CEP128: variants seen among roughly 807,000 people sequenced by gnomAD.
The protein encoded by CEP128 is centrosomal protein 128.
CEP128 carries 132 observed loss-of-function variants against 156.7 expected under a neutral mutation model. The ratio of observed to expected loss-of-function variants is 0.84; its 90% CI spans 0.73 to 0.97. The LOEUF (loss-of-function observed/expected upper bound fraction) is 0.97. CEP128 is among the 50% of genes least tolerant of loss of function. CEP128 has a pLI of 0.00. For missense variants in CEP128, 1,252 were observed against 1,281.9 expected (o/e 0.98, Z 0.36); for synonymous variants, 469 against 448.9 (o/e 1.04, Z -0.57).
At chr14:80,688,940 G>T (rs752103294) in intron 19 of CEP128, among the ~76,000 whole-genome samples, 58 of 152,204 alleles carry the variant, frequency 3.8e-4, no homozygotes, top group Admixed American at 7.2e-4. Flanking sequence ...AAGAAACCAA[G>T]ACATAAAGAT....
At chr14:80,551,493 TAA>T (rs1890206998) in intron 21 of CEP128, among the ~76,000 whole-genome samples, 1 of 152,218 alleles carries the variant, frequency 6.6e-6, no homozygotes, top group Non-Finnish European at 1.5e-5. Context: ...CTTTATGGTA[TAA>T]AAAGAGTCTG....
chr14:80,560,773 C>T (rs1890636238), intron 20 of CEP128, among the ~76,000 whole-genome samples: 1 of 152,204 alleles, frequency 6.6e-6, no homozygotes, highest in Admixed American at 6.5e-5. Context: ...TGCCGTTGAA[C>T]ACTGTACGCC....
rs141274053 is a variant in CEP128 at position 80,768,423 on chromosome 14, A to G, written c.2377-6810T>C. Among the ~76,000 whole-genome samples, 6 of 152,314 alleles carry G rather than the reference A, an allele frequency of 3.9e-5. No individual in the cohort carries two copies. The East Asian group carries it at 1.2e-3, about 29-fold the overall frequency. On this transcript the variant is annotated intron_variant, in intron 16 of 24. Transcript: ENST00000555265. Reference sequence around the variant, plus strand: ...AGCTGATTCTTTACATGTATTTAACAAGCAAAGGAACACTATGATTTCTAC... The same window carrying G: ...AGCTGATTCTTTACATGTATTTAACGAGCAAAGGAACACTATGATTTCTAC...
intron 20 of CEP128, among the ~76,000 whole-genome samples, chr14:80,580,106 C>T (rs1013018695): frequency 6.6e-6 from 1 of 152,102 alleles, no homozygotes; most frequent in Non-Finnish European, 1.5e-5. Flanking sequence ...AAGGATACTG[C>T]CTTCATTTCC....
At chr14:80,528,256 G>A (rs1430054643) in intron 22 of CEP128, among the ~76,000 whole-genome samples, 1 of 152,174 alleles carries the variant, frequency 6.6e-6, no homozygotes, top group African/African-American at 2.4e-5. Context: ...AATCAAAAAT[G>A]TAATGTTTAA....
At chr14:80,623,452 A>T (rs7144224) in intron 19 of CEP128, among the ~76,000 whole-genome samples, 2 of 151,672 alleles carry the variant, frequency 1.3e-5, no homozygotes, top group Non-Finnish European at 2.9e-5. Context: ...TAATACTTAA[A>T]GTATAATAAT....
intron 19 of CEP128, among the ~76,000 whole-genome samples, chr14:80,708,638 C>T (rs1345920448): frequency 1.3e-5 from 2 of 151,966 alleles, no homozygotes; most frequent in African/African-American, 4.8e-5. Context: ...AAATGTTTTG[C>T]CATTTTAAAA....
At chr14:80,656,309 A>T (rs868508644) in intron 19 of CEP128, among the ~76,000 whole-genome samples, 6 of 14,102 alleles carry the variant, frequency 4.3e-4, no homozygotes, top group African/African-American at 1.7e-3. Context: ...ATATATATAT[A>T]TATATATATA....
rs545630196 is a variant in CEP128, at chr14:80,860,236, T to G, written c.762+2521A>C. Among the ~76,000 whole-genome samples the G allele has an allele frequency of 5.9e-5, 9 of 152,352 alleles. No individual in the cohort carries two copies. In the South Asian group the frequency reaches 1.9e-3, roughly 32 times the overall value. On this transcript the variant is annotated intron_variant, in intron 9 of 24. Coordinates refer to ENST00000555265, the MANE Select transcript of CEP128 (RefSeq NM_152446.5). ...TAATCTTTCCTAGCTTCCACTACTC[T>G]GTTTATAATCTAAAACCACTTTTTA... is the stretch of plus-strand genomic sequence containing the variant.
chr14:80,620,120 C>T (rs780301320), intron 19 of CEP128, among the ~76,000 whole-genome samples: 2 of 151,946 alleles, frequency 1.3e-5, no homozygotes, highest in South Asian at 2.1e-4. Context: ...AGCAAAACTC[C>T]GTCTTAAAAA....
intron 19 of CEP128, among the ~76,000 whole-genome samples, chr14:80,672,562 A>G (rs1895887305): frequency 6.6e-6 from 1 of 152,138 alleles, no homozygotes; most frequent in Non-Finnish European, 1.5e-5. Context: ...TTTTGACCCA[A>G]ATATATCTTA....
chr14:80,544,882 T>C (rs1326916064), intron 21 of CEP128, among the ~76,000 whole-genome samples: 1 of 152,194 alleles, frequency 6.6e-6, no homozygotes, highest in Non-Finnish European at 1.5e-5. Context: ...ACTTACTATG[T>C]TTTAAAAATA....
chr14:80,825,309 A>C (rs1477083227), intron 13 of CEP128, among the ~76,000 whole-genome samples: 2 of 152,182 alleles, frequency 1.3e-5, no homozygotes, highest in Non-Finnish European at 2.9e-5. Context: ...GGGTTTCACT[A>C]TGTTGCCTAG....
intron 18 of CEP128, among the ~76,000 whole-genome samples, chr14:80,754,813 T>C (rs950929082): frequency 1.3e-5 from 2 of 152,210 alleles, no homozygotes; most frequent in Non-Finnish European, 2.9e-5. Flanking sequence ...TGAGACGTAG[T>C]AGTTTCTCAG....
intron 19 of CEP128, among the ~76,000 whole-genome samples, chr14:80,660,111 T>C (rs1895336498): frequency 6.6e-6 from 1 of 152,168 alleles, no homozygotes; most frequent in Non-Finnish European, 1.5e-5. Context: ...TTGAATTAGC[T>C]AGGTTATACC....
At chr14:80,780,532 A>C (rs1480632261) in intron 15 of CEP128, among the ~76,000 whole-genome samples, 1 of 152,118 alleles carries the variant, frequency 6.6e-6, no homozygotes, top group Non-Finnish European at 1.5e-5. Context: ...TCAAGCTTTC[A>C]AATTTAAAAA....
chr14:80,942,241 A>G (rs891990856), upstream of CEP128: 1 of 152,218 alleles, frequency 6.6e-6, no homozygotes. Context: ...AGAGAAGATT[A>G]TGTAGGCCAA....
chr14:80,572,538 G>A (rs1891186425), intron 20 of CEP128, among the ~76,000 whole-genome samples: 1 of 152,132 alleles, frequency 6.6e-6, no homozygotes, highest in African/African-American at 2.4e-5. Flanking sequence ...TATAAGCAAT[G>A]TACTGTAAAA....
intron 8 of CEP128, 92 bp downstream of exon 8, chr14:80,895,626 G>C (rs1889309350): frequency 1.2e-6 from 1 of 814,990 alleles, no homozygotes; most frequent in Non-Finnish European, 1.9e-6. Context: ...CCACCCAAAA[G>C]GTTAAACTCT....
Sources: gnomAD v4.1 joint callset for allele counts (sites outside exome capture counted in the v4.1 genomes callset) on GRCh38, gnomAD v4.1.1 for gene constraint, MANE v1.5 for transcripts, NCBI Gene and HGNC (gene_info 2026-07-23, HGNC 2026-07-21) for gene names.